SARDH: variants seen among roughly 807,000 people sequenced by gnomAD.
The protein encoded by SARDH is sarcosine dehydrogenase, also known as sarcosine dehydrogenase, mitochondrial.
A neutral mutation model predicts 109.1 loss-of-function variants in SARDH; 95 were observed. The ratio of observed to expected loss-of-function variants is 0.87; its 90% confidence interval spans 0.74 to 1.03. SARDH has a LOEUF of 1.03. SARDH is among the 50% of genes least tolerant of loss of function. The pLI, the probability that SARDH is intolerant of heterozygous loss-of-function variation, is 0.00. For synonymous variants in SARDH, 572 were observed against 534.8 expected (o/e 1.07, Z -0.96); for missense variants, 1,267 against 1,287.8 (o/e 0.98, Z 0.25).
At chr9:133,697,522 A>G (rs1831327753) in intron 13 of SARDH, among the ~76,000 whole-genome samples, 2 of 152,236 alleles carry the variant, frequency 1.3e-5, no homozygotes, top group African/African-American at 4.8e-5. Flanking sequence ...AAAAATCCTC[A>G]ACAAAATACT....
chr9:133,670,708 G>A lies in SARDH; in HGVS notation c.2371C>T (p.Leu791=). Residue 791 remains leucine (L), a synonymous_variant, in exon 19 of 21, where the codon CTG becomes TTG. Transcript: ENST00000439388. Reference sequence around the variant, plus strand: ...CAGGTGAAGGCCAGGCCTGCCTCCAGGGGGCTGTCGTCTGGCCGCAGGTCC... The same window carrying A: ...CAGGTGAAGGCCAGGCCTGCCTCCAAGGGGCTGTCGTCTGGCCGCAGGTCC... The part of the protein sequence containing the change: ...HADLRPDDSP[L]EAGLAFTCKL... The A allele has an allele frequency of 1.2e-6, 2 of 1,602,768 alleles. No individual in the cohort carries two copies. Among genetic ancestry groups the A allele is most frequent in the South Asian group, 2.2e-5 (2 of 89,634 alleles).
At chr9:133,725,096 C>T (rs577876967) in intron 6 of SARDH, among the ~76,000 whole-genome samples, 1 of 152,212 alleles carries the variant, frequency 6.6e-6, no homozygotes, top group Admixed American at 6.5e-5. Context: ...ACTACACGGA[C>T]AAAACCGTAA....
chr9:133,685,058 C>G (rs1228409639), intron 17 of SARDH, 135 bp downstream of exon 17: 12 of 676,130 alleles, frequency 1.8e-5, no homozygotes, highest in Admixed American at 2.8e-5. Context: ...CACTGTCCCC[C>G]CTTCACAGTT....
Position 133,666,868 on chromosome 9 carries a change from T to C in SARDH, c.2498A>G (p.Lys833Arg), listed in dbSNP as rs1663804662. ...GGCCTCCAGGCCAAACATGGGTACT[T>C]TGCTGGAAGAAGCAGTAGAGAAAGC... ...RRLVCFTMEDKVPMFGLEAIW... is the reference protein window; with the variant it reads ...RRLVCFTMEDRVPMFGLEAIW... The change falls in exon 20 of 21, where the codon AAA (lysine) becomes AGA (arginine). Residue 833 changes from lysine (K) to arginine (R), a missense_variant and splice_region_variant. By Grantham distance (26) the Lys-to-Arg change is conservative. Transcript: ENST00000439388. This position sits in a 1 kb window ranked among gnomAD's most constrained non-coding sequence, Gnocchi z 5.2. 3 of 1,612,670 alleles carry C rather than the reference T, an allele frequency of 1.9e-6. No homozygotes were observed. The highest frequency in any genetic ancestry group is 2.5e-6 in the Non-Finnish European group (3 of 1,179,710).
At chr9:133,736,940 G>T (rs192030867) in intron 1 of SARDH, among the ~76,000 whole-genome samples, 1 of 152,216 alleles carries the variant, frequency 6.6e-6, no homozygotes. Flanking sequence ...AGCTATGCAC[G>T]TTCGTTCACT....
intron 6 of SARDH, among the ~76,000 whole-genome samples, chr9:133,722,901 C>A (rs1832376866): frequency 6.6e-6 from 1 of 152,160 alleles, no homozygotes; most frequent in African/African-American, 2.4e-5. Context: ...TCAAGCAATC[C>A]ACCCACCTCA....
In SARDH at chr9:133,731,420, G is replaced by A. The variant is rs753922256; in HGVS notation, c.575C>T (p.Pro192Leu). 6.2e-7 allele frequency: 1 copy of A among 1,614,174 alleles called. No individual in the cohort carries two copies. The highest frequency in any genetic ancestry group is 8.5e-7 in the Non-Finnish European group (1 of 1,180,022). Residue 192 changes from proline (P) to leucine (L), a missense_variant, in exon 4 of 21, where the codon CCG (proline) becomes CTG (leucine). By Grantham distance (98) the Pro-to-Leu change is moderately conservative (BLOSUM62 -3). Coordinates refer to ENST00000439388, the MANE Select transcript of SARDH (RefSeq NM_001134707.2). ...GTAGAGGTCGTCCACATTCATCAGC[G>A]GGTACAGAGTCTTGGTCTCTGCCGG... is the stretch of plus-strand genomic sequence containing the variant. ...LSPAETKTLY[P>L]LMNVDDLYGT...
At chr9:133,737,051 C>G (rs563144262) in intron 1 of SARDH, among the ~76,000 whole-genome samples, 6 of 152,352 alleles carry the variant, frequency 3.9e-5, no homozygotes, top group African/African-American at 1.4e-4. Context: ...CATAGGGCCT[C>G]CATGTGGCAG....
At position 133,670,665 on chromosome 9, in the gene SARDH, AC is replaced by A; in HGVS notation, c.2413del (p.Val805CysfsTer79). On this transcript the variant is annotated frameshift_variant, in exon 19 of 21. Coordinates refer to ENST00000439388, the MANE Select transcript of SARDH (RefSeq NM_001134707.2). LOFTEE classifies it high-confidence loss of function. Reference sequence around the variant, plus strand: ...CAGGGCCTCCCTCCCCAGGAAGGGCACCGGCGACTTGAGCTTGCAGGTGAAG... The same window carrying A: ...CAGGGCCTCCCTCCCCAGGAAGGGCACGGCGACTTGAGCTTGCAGGTGAAG... ...LAFTCKLKSP[V>X]PFLGREALEQ... 3 of 1,600,862 alleles carry A rather than the reference AC, an allele frequency of 1.9e-6. No individual in the cohort carries two copies. Among genetic ancestry groups the A allele is most frequent in the Non-Finnish European group, 2.6e-6 (3 of 1,174,718 alleles).
At chr9:133,731,205 C>A (rs1398936550) in intron 4 of SARDH, 100 bp downstream of exon 4, 2 of 1,461,934 alleles carry the variant, frequency 1.4e-6, no homozygotes, top group African/African-American at 2.8e-5. Context: ...ACACAGCAGT[C>A]AGAGAATGGC....
intron 6 of SARDH, among the ~76,000 whole-genome samples, chr9:133,720,911 T>C (rs1477425993): frequency 6.6e-6 from 1 of 152,006 alleles, no homozygotes; most frequent in African/African-American, 2.4e-5. Context: ...GATATGATAG[T>C]CAAAATTTAA....
chr9:133,730,470 TA>T (rs71503358), intron 4 of SARDH, among the ~76,000 whole-genome samples: 4 of 147,186 alleles, frequency 2.7e-5, no homozygotes, highest in East Asian at 4.0e-4. Context: ...GACTTTTTTT[TA>T]AAAAAAAAAA....
At chr9:133,702,518 T>G (rs1831524922) in intron 13 of SARDH, among the ~76,000 whole-genome samples, 1 of 152,120 alleles carries the variant, frequency 6.6e-6, no homozygotes. Flanking sequence ...GTCCTGGATC[T>G]ACTCTGCGCT....
intron 6 of SARDH, among the ~76,000 whole-genome samples, chr9:133,726,394 A>ATAATAATAATAATAATAATAGTAGTAG (rs59172198): frequency 2.5e-4 from 33 of 132,346 alleles, no homozygotes; most frequent in Middle Eastern, 3.9e-3. Flanking sequence ...AATAATAATA[A>ATAATAATAATAATAATAATAGTAGTAG]TAGTAGTAGT....
At chr9:133,667,555 G>A (rs73662177) in intron 19 of SARDH, among the ~76,000 whole-genome samples, 2,394 of 151,242 alleles carry the variant, frequency 0.016, 72 homozygotes, top group African/African-American at 0.055. Flanking sequence ...AAGTTTTAAA[G>A]ATTAAAAGCA....
At chr9:133,696,414 C>A (rs1374112414) in intron 13 of SARDH, 53 bp from the exon 14 acceptor site, 4 of 1,611,992 alleles carry the variant, frequency 2.5e-6, no homozygotes, top group Admixed American at 1.7e-5. Context: ...GGGTGTGCTT[C>A]TTCCTCAAGA....
upstream of SARDH, chr9:133,739,875 G>T (rs778058175): frequency 1.3e-5 from 2 of 152,288 alleles, no homozygotes; most frequent in Non-Finnish European, 2.9e-5. Flanking sequence ...GGAGAAAAAC[G>T]CAGCAGTCAC....
rs548547716 is a variant in SARDH, at chr9:133,666,638, C to T, written c.2631+97G>A. On this transcript the variant is annotated intron_variant, in intron 20 of 20. Transcript: ENST00000439388. This position sits in a 1 kb window ranked among gnomAD's most constrained non-coding sequence, Gnocchi z 5.2. ...TTCTGGACCACACCCGTGCCTCCTC[C>T]CTATGCCCGGCACACTCAGGGTGCA... is the stretch of plus-strand genomic sequence containing the variant. The T allele has an allele frequency of 6.7e-7, 1 of 1,494,356 alleles. No individual in the cohort carries two copies. Among genetic ancestry groups the T allele is most frequent in the Admixed American group, 2.0e-5 (1 of 49,832 alleles). 92.6% of individuals were successfully genotyped at this position (1,494,356 alleles called of 1,614,324 possible). A position where few individuals can be genotyped will look rare whatever the true frequency, so the allele number is the denominator to read the frequency against.
upstream of SARDH, among the ~76,000 whole-genome samples, chr9:133,738,648 G>T (rs535070644): frequency 1.3e-5 from 2 of 152,232 alleles, no homozygotes; most frequent in Admixed American, 1.3e-4. Flanking sequence ...GGAGCCGCCC[G>T]AGCTCCCCGC....
Sources: gnomAD v4.1 joint callset for allele counts (sites outside exome capture counted in the v4.1 genomes callset) on GRCh38, gnomAD v4.1.1 for gene constraint, Gnocchi (gnomAD v3.1) non-coding constraint, MANE v1.5 for transcripts, NCBI Gene and HGNC (gene_info 2026-07-23, HGNC 2026-07-21) for gene names.